COL8A2: variants seen among roughly 807,000 people sequenced by gnomAD.
COL8A2 encodes collagen type VIII alpha 2 chain, also known as collagen alpha-2(VIII) chain.
A neutral mutation model predicts 24.0 loss-of-function variants in COL8A2; 16 were observed. The ratio of observed to expected loss-of-function variants is 0.67; its 90% CI spans 0.45 to 1.01. COL8A2 has a LOEUF of 1.01. Ranked by LOEUF, COL8A2 falls within the 50% of genes least tolerant of loss-of-function variation. The pLI is 0.00. For missense variants in COL8A2, 818 were observed against 942.4 expected, an observed-to-expected ratio of 0.87 and a Z score of 1.73; for synonymous variants, 466 against 424.5, an observed-to-expected ratio of 1.10 and a Z score of -1.20.
chr1:36,105,121 C>A (rs1643740283), intron 2 of COL8A2, among the ~76,000 whole-genome samples: 1 of 152,018 alleles, frequency 6.6e-6, no homozygotes, highest in Non-Finnish European at 1.5e-5. Context: ...GGCTTGAGGT[C>A]CCTGCTCCTC....
In COL8A2 at chr1:36,097,471, C is replaced by T. The variant is rs1643586140; in HGVS notation, c.*98G>A. On this transcript the variant is annotated 3_prime_UTR_variant, in exon 4 of 4. Transcript: ENST00000397799. The stretch of plus-strand genomic sequence containing the variant: ...GGCCAAGGCCACGGCCGCCTCTGTT[C>T]AGCTTTTGTTTTTTTTTCCAGGAGG... The T allele has an allele frequency of 9.6e-7, 1 of 1,044,936 alleles. No individual in the cohort carries two copies. The highest frequency in any genetic ancestry group is 1.5e-5 in the South Asian group (1 of 65,024). 64.7% of individuals were successfully genotyped at this position (1,044,936 alleles called of 1,614,324 possible).
In COL8A2 at chr1:36,097,256, T is replaced by G. The variant is rs1283510703; in HGVS notation, c.*313A>C. ...TCTCCCCACGTGGCGGGGTGGGGAG[T>G]TGAGCTCCCTCTCAGCTCCTTCAGG... On this transcript the variant is annotated 3_prime_UTR_variant, in exon 4 of 4. Transcript: ENST00000397799. 9 of 256,272 alleles carry G rather than the reference T, an allele frequency of 3.5e-5. No individual in the cohort carries two copies. Among genetic ancestry groups the G allele is most frequent in the South Asian group, 8.1e-5 (1 of 12,396 alleles). 15.9% of individuals were successfully genotyped at this position (256,272 alleles called of 1,614,324 possible). A position where few individuals can be genotyped will look rare whatever the true frequency, so the allele number is the denominator to read the frequency against.
rs142929545 is a variant in COL8A2, at chr1:36,101,982, C to G, written c.-16-1724G>C. Reference sequence around the variant, plus strand: ...TTGTCTGAGCCCAGGAGTTTGAGACCAGCCTGGGCAACCTGGTGAAACCCC... The same window carrying G: ...TTGTCTGAGCCCAGGAGTTTGAGACGAGCCTGGGCAACCTGGTGAAACCCC... On this transcript the variant is annotated intron_variant, in intron 2 of 3. Coordinates refer to ENST00000397799, the MANE Select transcript of COL8A2 (RefSeq NM_005202.4). Among the ~76,000 whole-genome samples the G allele has an allele frequency of 3.8e-3, 585 of 152,118 alleles. 3 individuals are homozygous for G. Among genetic ancestry groups the G allele is most frequent in the Non-Finnish European group, 6.0e-3 (406 of 67,996 alleles).
At chr1:36,112,838 G>C (rs1010648610) in intron 2 of COL8A2, among the ~76,000 whole-genome samples, 1 of 152,074 alleles carries the variant, frequency 6.6e-6, no homozygotes, top group South Asian at 2.1e-4. Flanking sequence ...GTGGGATAGG[G>C]GCCAACATCT....
At chr1:36,099,997 G>A in intron 3 of COL8A2, 53 bp downstream of exon 3, 3 of 1,548,396 alleles carry the variant, frequency 1.9e-6, no homozygotes, top group Non-Finnish European at 2.7e-6. Flanking sequence ...GGGAGGCAGG[G>A]GATTTGGGGG....
In COL8A2 at chr1:36,097,830, G is replaced by A. The variant is rs776159463; in HGVS notation, c.1851C>T (p.Gly617=). 37 of 1,613,254 alleles carry A rather than the reference G, an allele frequency of 2.3e-5. No homozygotes were observed. Among genetic ancestry groups the A allele is most frequent in the Non-Finnish European group, 2.9e-5 (34 of 1,180,036 alleles). ...PATGIFTCPV[G]GVYYFAYHVH... ...CATGGTAAGCAAAGTAGTAGACGCC[G>A]CCCACAGGGCAGGTGAAGATGCCAG... Residue 617 remains glycine, a synonymous_variant, in exon 4 of 4, where the codon GGC becomes GGT. Coordinates refer to ENST00000397799, the MANE Select transcript of COL8A2 (RefSeq NM_005202.4).
intron 2 of COL8A2, among the ~76,000 whole-genome samples, chr1:36,110,781 C>G (rs972773756): frequency 6.6e-6 from 1 of 152,204 alleles, no homozygotes; most frequent in Non-Finnish European, 1.5e-5. Flanking sequence ...CATGAGCAAC[C>G]GTGCCTGGCC....
chr1:36,099,576 T>C, intron 3 of COL8A2, 89 bp from the exon 4 acceptor site: 2 of 975,484 alleles, frequency 2.1e-6, no homozygotes, highest in East Asian at 2.6e-5. Flanking sequence ...CAGTATGAGG[T>C]ACACGGGAGA....
At position 36,124,253 on chromosome 1, in the gene COL8A2, G is replaced by A. The variant is rs150100039; in HGVS notation, c.-62+804C>T. On this transcript the variant is annotated intron_variant, in intron 1 of 3. Transcript: ENST00000397799. ...GTCTCACACAGGCACACACACGTGCGTGCACACATACAACCAGCAAAGTTT... is the reference window on the plus strand; with the variant it reads ...GTCTCACACAGGCACACACACGTGCATGCACACATACAACCAGCAAAGTTT... Among the ~76,000 whole-genome samples the A allele has an allele frequency of 4.3e-3, 648 of 152,314 alleles. 7 individuals are homozygous for A. The highest frequency in any genetic ancestry group is 0.015 in the African/African-American group (615 of 41,582).
In COL8A2 at chr1:36,115,406, AG is replaced by A. The variant is rs1643874718; in HGVS notation, c.-17+301del. ...GCAGGAGGGGCTGGGCTGGGCAGGGAGGGGGCCTGGCGGGAGCACAGCCAGG... is the reference window on the plus strand; with the variant it reads ...GCAGGAGGGGCTGGGCTGGGCAGGGAGGGGCCTGGCGGGAGCACAGCCAGG... On this transcript the variant is annotated intron_variant, in intron 2 of 3. Coordinates refer to ENST00000397799, the MANE Select transcript of COL8A2 (RefSeq NM_005202.4). The surrounding 1 kb of genome is among the most constrained non-coding windows in gnomAD (Gnocchi z 5.7). 6.6e-6 allele frequency among the ~76,000 whole-genome samples: 1 copy of A among 152,004 alleles called. No individual in the cohort carries two copies. The highest frequency in any genetic ancestry group is 2.4e-5 in the African/African-American group (1 of 41,372).
At chr1:36,112,153 G>A (rs1357312277) in intron 2 of COL8A2, among the ~76,000 whole-genome samples, 3 of 152,144 alleles carry the variant, frequency 2.0e-5, no homozygotes, top group Non-Finnish European at 2.9e-5. Context: ...ACAGGCGCCT[G>A]CCACCACGCC....
chr1:36,109,656 G>A (rs1336653595), intron 2 of COL8A2, among the ~76,000 whole-genome samples: 2 of 148,606 alleles, frequency 1.3e-5, no homozygotes, highest in Non-Finnish European at 3.0e-5. Flanking sequence ...TGCAACCTCC[G>A]CCTTCCAGGT....
At chr1:36,103,199 A>G (rs1323881777) in intron 2 of COL8A2, among the ~76,000 whole-genome samples, 2 of 152,120 alleles carry the variant, frequency 1.3e-5, no homozygotes, top group Non-Finnish European at 2.9e-5. Flanking sequence ...TCCTGGGCTC[A>G]AGCAATCCTC....
At chr1:36,124,397 GC>G (rs1227350740) in intron 1 of COL8A2, among the ~76,000 whole-genome samples, 1 of 152,152 alleles carries the variant, frequency 6.6e-6, no homozygotes, top group Non-Finnish European at 1.5e-5. Context: ...TTGTTCTGGG[GC>G]CCTGGGACCC....
chr1:36,123,180 C>T lies in COL8A2; in HGVS notation c.-62+1877G>A, dbSNP rs1464341437. The stretch of plus-strand genomic sequence containing the variant: ...GGCCGCTGTGTCTCTCTCGTTCCTC[C>T]GACCCGACACTATAATTTCCTCCTG... On this transcript the variant is annotated intron_variant, in intron 1 of 3. Coordinates refer to ENST00000397799, the MANE Select transcript of COL8A2 (RefSeq NM_005202.4). This position sits in a 1 kb window ranked among gnomAD's most constrained non-coding sequence, Gnocchi z 4.1. Among the ~76,000 whole-genome samples the T allele has an allele frequency of 2.0e-5, 3 of 152,188 alleles. No homozygotes were observed. Among genetic ancestry groups the T allele is most frequent in the Admixed American group, 1.3e-4 (2 of 15,278 alleles).
chr1:36,098,991 G>T lies in COL8A2; in HGVS notation c.690C>A (p.Leu230=), dbSNP rs1557738596. The T allele has an allele frequency of 6.3e-7, 1 of 1,597,296 alleles. No homozygotes were observed. The highest frequency in any genetic ancestry group is 1.7e-5 in the Admixed American group (1 of 58,354). The part of the protein sequence containing the change: ...GQGGAPGPPG[L]PGPAGLGKPG... ...GTTTGCCTAAGCCAGCTGGACCAGG[G>T]AGGCCGGGGGGGCCGGGGGCACCCC... Residue 230 remains leucine (L), a synonymous_variant, in exon 4 of 4, where the codon CTC becomes CTA. Coordinates refer to ENST00000397799, the MANE Select transcript of COL8A2 (RefSeq NM_005202.4).
Position 36,123,068 on chromosome 1 carries a change from T to C in COL8A2, c.-62+1989A>G, listed in dbSNP as rs1643925874. 6.6e-6 allele frequency among the ~76,000 whole-genome samples: 1 copy of C among 152,198 alleles called. No homozygotes were observed. The highest frequency in any genetic ancestry group is 1.5e-5 in the Non-Finnish European group (1 of 68,022). On this transcript the variant is annotated intron_variant, in intron 1 of 3. Transcript: ENST00000397799. The surrounding 1 kb of genome is among the most constrained non-coding windows in gnomAD (Gnocchi z 4.1). ...CCAGATTACCTCTTAGGTGCCACCT[T>C]CCCTGATCTGCACTTTGGCTTGCAT...
At chr1:36,103,947 A>T (rs1643718356) in intron 2 of COL8A2, among the ~76,000 whole-genome samples, 1 of 151,486 alleles carries the variant, frequency 6.6e-6, no homozygotes, top group African/African-American at 2.4e-5. Flanking sequence ...TAATCCCAGC[A>T]CTTTGGGTGG....
intron 1 of COL8A2, 76 bp downstream of exon 1, chr1:36,124,981 T>G: frequency 3.7e-6 from 2 of 537,146 alleles, no homozygotes; most frequent in Non-Finnish European, 4.8e-6. Context: ...CCGCATGGTG[T>G]TGGGGGAAGC....
Sources: gnomAD v4.1 joint callset for allele counts (sites outside exome capture counted in the v4.1 genomes callset) on GRCh38, gnomAD v4.1.1 for gene constraint, Gnocchi (gnomAD v3.1) non-coding constraint, MANE v1.5 for transcripts, NCBI Gene and HGNC (gene_info 2026-07-23, HGNC 2026-07-21) for gene names.